The following GABPA variants were observed in gnomAD, a reference collection of about 807,000 sequenced individuals.
The protein encoded by GABPA is GA binding protein transcription factor subunit alpha, also known as GA-binding protein alpha chain.
A neutral mutation model predicts 59.4 loss-of-function variants in GABPA; 4 were observed. The ratio of observed to expected loss-of-function variants is 0.07; its 90% CI spans 0.03 to 0.15. The LOEUF is 0.15. Among genes scored for constraint, GABPA ranks in the 10% least tolerant of loss-of-function variants. The probability of loss-of-function intolerance (pLI) is 1.00; values close to 1 mark genes in which losing one functional copy is unlikely to be tolerated. For missense variants in GABPA, 251 were observed against 543.8 expected (o/e 0.46, Z 5.36); for synonymous variants, 164 against 183.1 (o/e 0.90, Z 0.84).
At chr21:25,749,689 G>T (rs2035459000) in intron 4 of GABPA, among the ~76,000 whole-genome samples, 1 of 152,134 alleles carries the variant, frequency 6.6e-6, no homozygotes, top group Non-Finnish European at 1.5e-5. Context: ...GAATAAGCTG[G>T]GTGTGGTGGC....
At chr21:25,739,054 C>G (rs1234857596) in intron 1 of GABPA, among the ~76,000 whole-genome samples, 1 of 152,134 alleles carries the variant, frequency 6.6e-6, no homozygotes, top group Non-Finnish European at 1.5e-5. Context: ...TGCTTGTGAA[C>G]GGAGCCTGCG....
chr21:25,736,761 C>T (rs1406304533), intron 1 of GABPA, among the ~76,000 whole-genome samples: 1 of 152,186 alleles, frequency 6.6e-6, no homozygotes, highest in Non-Finnish European at 1.5e-5. Context: ...ATACCCTTCA[C>T]CTGAGGGTCC....
At chr21:25,756,595 A>G (rs1204970303) in intron 5 of GABPA, among the ~76,000 whole-genome samples, 1 of 152,190 alleles carries the variant, frequency 6.6e-6, no homozygotes, top group Non-Finnish European at 1.5e-5. Context: ...CTTTGAATGC[A>G]TGCTTCTTGG....
chr21:25,756,543 C>T (rs983946682), intron 5 of GABPA, among the ~76,000 whole-genome samples: 1 of 152,174 alleles, frequency 6.6e-6, no homozygotes, highest in Non-Finnish European at 1.5e-5. Context: ...TTGGATTGGG[C>T]GAAACTGCTT....
At chr21:25,766,018 G>A (rs1430072298) in intron 9 of GABPA, among the ~76,000 whole-genome samples, 1 of 151,926 alleles carries the variant, frequency 6.6e-6, no homozygotes, top group Admixed American at 6.6e-5. Flanking sequence ...TTGTCCCACA[G>A]GATATTGAGA....
In GABPA at chr21:25,744,687, A is replaced by AT. The variant is rs36059786; in HGVS notation, c.78-513dup. Among the ~76,000 whole-genome samples the AT allele has an allele frequency of 3.7e-4, 56 of 150,472 alleles. 3 individuals are homozygous for AT. In the South Asian group the frequency reaches 9.9e-3, roughly 27 times the overall value. The stretch of plus-strand genomic sequence containing the variant: ...AAGACAGTTTTTAGGAAGAATATAC[A>AT]TTTTTTTTTTAAACGTTGAGCTGTC... On this transcript the variant is annotated intron_variant, in intron 2 of 9. Transcript: ENST00000400075.
At chr21:25,747,006 C>CT (rs745595112) in intron 3 of GABPA, among the ~76,000 whole-genome samples, 23 of 151,948 alleles carry the variant, frequency 1.5e-4, no homozygotes, top group Non-Finnish European at 2.8e-4. Context: ...ACAAAACACT[C>CT]TAATTCTCTC....
chr21:25,767,091 G>A (rs2035908305), intron 9 of GABPA, among the ~76,000 whole-genome samples: 1 of 151,820 alleles, frequency 6.6e-6, no homozygotes, highest in Non-Finnish European at 1.5e-5. Context: ...CAGTATTTAG[G>A]GATGCATGTT....
chr21:25,765,406 G>A (rs1184016544), intron 9 of GABPA, among the ~76,000 whole-genome samples: 1 of 151,858 alleles, frequency 6.6e-6, no homozygotes, highest in Non-Finnish European at 1.5e-5. Context: ...TAAATAGCAT[G>A]CTTTTACTGC....
chr21:25,743,936 C>T (rs771581364), intron 2 of GABPA, among the ~76,000 whole-genome samples: 5 of 148,654 alleles, frequency 3.4e-5, no homozygotes, highest in Admixed American at 6.8e-5. Flanking sequence ...CCCAGATACT[C>T]GGGAGGCTGA....
intron 5 of GABPA, among the ~76,000 whole-genome samples, chr21:25,757,300 AT>A (rs1001114949): frequency 1.3e-5 from 2 of 152,160 alleles, no homozygotes; most frequent in Non-Finnish European, 2.9e-5. Flanking sequence ...TATTGGCCAT[AT>A]TTTTTTATTT....
At chr21:25,756,505 CT>C (rs933909191) in intron 5 of GABPA, among the ~76,000 whole-genome samples, 1 of 152,182 alleles carries the variant, frequency 6.6e-6, no homozygotes, top group African/African-American at 2.4e-5. Flanking sequence ...TGCTTCAGCC[CT>C]TTAAATCTTA....
chr21:25,764,261 A>G lies in GABPA; in HGVS notation c.854A>G (p.Lys285Arg), dbSNP rs1395984066. ...CAATCTGCTACACCTACTACCATTA[A>G]AGTTATAAATAGTAGTGCGAAAGCA... Reference protein sequence around the residue: ...SVQSATPTTIKVINSSAKAAK... With the variant: ...SVQSATPTTIRVINSSAKAAK... Residue 285 changes from lysine (K) to arginine (R), a missense_variant, in exon 8 of 10, where the codon AAA (lysine) becomes AGA (arginine). Transcript: ENST00000400075. The G allele has an allele frequency of 6.2e-7, 1 of 1,612,056 alleles. No individual in the cohort carries two copies. The highest frequency in any genetic ancestry group is 1.7e-5 in the Admixed American group (1 of 59,926).
intron 9 of GABPA, among the ~76,000 whole-genome samples, chr21:25,766,824 A>G (rs1023506548): frequency 9.9e-5 from 15 of 151,980 alleles, no homozygotes; most frequent in African/African-American, 3.6e-4. Context: ...ATGCCCATAC[A>G]CATGTTCATA....
intron 7 of GABPA, chr21:25,763,433 C>A (rs942757164): frequency 1.1e-5 from 2 of 188,694 alleles, no homozygotes; most frequent in African/African-American, 4.8e-5. Context: ...ATAACTAACA[C>A]CTGTGTACAT....
At chr21:25,742,329 G>A (rs972133542) in intron 2 of GABPA, among the ~76,000 whole-genome samples, 1 of 151,408 alleles carries the variant, frequency 6.6e-6, no homozygotes, top group Admixed American at 6.6e-5. Context: ...CGTGAAGTAG[G>A]AGGTGAGATA....
At chr21:25,754,776 G>A (rs1173370847) in intron 5 of GABPA, among the ~76,000 whole-genome samples, 1 of 152,154 alleles carries the variant, frequency 6.6e-6, no homozygotes, top group Non-Finnish European at 1.5e-5. Flanking sequence ...TTTAGGCCAG[G>A]CACAGTGGCT....
intron 2 of GABPA, among the ~76,000 whole-genome samples, chr21:25,742,932 C>CA (rs763611466): frequency 0.037 from 3,686 of 100,500 alleles, 139 homozygotes; most frequent in African/African-American, 0.12. Context: ...GGTGCGGTCT[C>CA]AAAAAAAAAA....
At chr21:25,756,043 T>C (rs201973990) in intron 5 of GABPA, among the ~76,000 whole-genome samples, 35 of 152,352 alleles carry the variant, frequency 2.3e-4, no homozygotes, top group East Asian at 1.9e-3. Flanking sequence ...CATGTTCCTA[T>C]GATTTTGCAT....
Sources: gnomAD v4.1 joint callset for allele counts (sites outside exome capture counted in the v4.1 genomes callset) on GRCh38, gnomAD v4.1.1 for gene constraint, MANE v1.5 for transcripts, NCBI Gene and HGNC (gene_info 2026-07-23, HGNC 2026-07-21) for gene names.